Variants in DGKZ observed in about 807,000 individuals in gnomAD.
The protein encoded by DGKZ is diacylglycerol kinase zeta.
In DGKZ, 45 loss-of-function variants were observed where a neutral mutation model predicts 142.5. The ratio of observed to expected loss-of-function variants is 0.32; its 90% confidence interval spans 0.25 to 0.40. The LOEUF (loss-of-function observed/expected upper bound fraction) is 0.40. DGKZ is among the 10% of genes least tolerant of loss of function. The probability of loss-of-function intolerance (pLI) is 1.00; values close to 1 mark genes in which losing one functional copy is unlikely to be tolerated. For missense variants in DGKZ, 755 were observed against 1,306.5 expected, an observed-to-expected ratio of 0.58 and a Z score of 6.51; for synonymous variants, 442 against 527.0, an observed-to-expected ratio of 0.84 and a Z score of 2.21.
intron 5 of DGKZ, 93 bp downstream of exon 5, chr11:46,369,643 C>A: frequency 6.6e-7 from 1 of 1,511,530 alleles, no homozygotes; most frequent in Non-Finnish European, 9.2e-7. Flanking sequence ...GGGGGCTCGG[C>A]TCCCTCTAGG....
At chr11:46,370,075 G>A (rs929366107) in intron 6 of DGKZ, 66 bp downstream of exon 6, 62 of 1,593,828 alleles carry the variant, frequency 3.9e-5, no homozygotes, top group Middle Eastern at 1.7e-4. Flanking sequence ...CCATGTGGCC[G>A]GTGTGGCCTG....
rs147807739 is a variant in DGKZ at position 46,354,554 on chromosome 11, C to T, written c.161+6734C>T. 3.4e-3 allele frequency among the ~76,000 whole-genome samples: 525 copies of T among 152,232 alleles called. 3 individuals carry two copies. Among genetic ancestry groups the T allele is most frequent in the African/African-American group, 0.012 (512 of 41,506 alleles). ...TTTCTAAACACATTAAATATCTTGG[C>T]GTTAGAAAAGTGTGCAGAATAAGGT... On this transcript the variant is annotated intron_variant, in intron 1 of 30. Transcript: ENST00000527911.
At chr11:46,373,497 TGTTTTTG>T (rs1944216237) in intron 14 of DGKZ, among the ~76,000 whole-genome samples, 1 of 147,722 alleles carries the variant, frequency 6.8e-6, no homozygotes, top group Non-Finnish European at 1.5e-5. Flanking sequence ...TTTTTTTTTT[TGTTTTTG>T]TTTTTTGTTT....
At chr11:46,355,265 C>T (rs371246740) in intron 1 of DGKZ, among the ~76,000 whole-genome samples, 9 of 152,054 alleles carry the variant, frequency 5.9e-5, no homozygotes, top group African/African-American at 1.4e-4. Flanking sequence ...CCCGCCACCA[C>T]GCCCGGCTAA....
chr11:46,343,513 A>C (rs1312924082), upstream of DGKZ, among the ~76,000 whole-genome samples: 1 of 152,232 alleles, frequency 6.6e-6, no homozygotes, highest in Non-Finnish European at 1.5e-5. Context: ...AGAACTAGTT[A>C]TAGAGCAGGG....
At position 46,367,541 on chromosome 11, in the gene DGKZ, C is replaced by T. The variant is rs76288240; in HGVS notation, c.271-111C>T. The T allele has an allele frequency of 2.3e-3, 2,145 of 932,378 alleles. 24 individuals are homozygous for T. The African/African-American group carries it at 0.046, about 20-fold the overall frequency. 57.8% of individuals were successfully genotyped at this position (932,378 alleles called of 1,614,324 possible). On this transcript the variant is annotated intron_variant, in intron 2 of 30. Transcript: ENST00000527911. The surrounding 1 kb of genome is among the most constrained non-coding windows in gnomAD (Gnocchi z 4.1). ...TGGGGCAGACGGAACAGAGCAGGGT[C>T]GATCGGGGCGCTGGAGTGGGTTTGT...
chr11:46,343,436 TACTGA>T (rs947694305), upstream of DGKZ, among the ~76,000 whole-genome samples: 19 of 152,230 alleles, frequency 1.2e-4, no homozygotes, highest in African/African-American at 4.1e-4. Context: ...CATAAATGTT[TACTGA>T]ACTGAACTGA....
upstream of DGKZ, chr11:46,347,439 C>G (rs1407077570): frequency 9.2e-6 from 9 of 982,276 alleles, no homozygotes; most frequent in Non-Finnish European, 1.1e-5. This position sits in a 1 kb window ranked among gnomAD's most constrained non-coding sequence, Gnocchi z 6.4. Context: ...GCCAGCTATG[C>G]GGGGTCCTGC....
chr11:46,347,837 C>T lies in DGKZ; in HGVS notation c.161+17C>T, dbSNP rs1590397657. The T allele has an allele frequency of 1.6e-6, 2 of 1,279,256 alleles. No homozygotes were observed. Among genetic ancestry groups the T allele is most frequent in the Non-Finnish European group, 2.0e-6 (2 of 1,010,878 alleles). The allele number at this position is 1,279,256 out of a possible 1,614,324, so 79.2% of individuals were successfully genotyped here. The stretch of plus-strand genomic sequence containing the variant: ...CGGGCACAGGTGAGCGGGGCGGCGG[C>T]GGGGCAGGCACCGAGGCACCGGCAG... On this transcript the variant is annotated intron_variant, in intron 1 of 30. Coordinates refer to ENST00000527911, the Ensembl canonical transcript of DGKZ. This position sits in a 1 kb window ranked among gnomAD's most constrained non-coding sequence, Gnocchi z 6.4.
At chr11:46,358,912 G>A (rs1014875676) in intron 1 of DGKZ, among the ~76,000 whole-genome samples, 4 of 152,110 alleles carry the variant, frequency 2.6e-5, no homozygotes, top group Non-Finnish European at 5.9e-5. Flanking sequence ...GGAGGCTGAG[G>A]CGGGCAGATC....
At chr11:46,356,023 G>A (rs1003632691) in intron 1 of DGKZ, among the ~76,000 whole-genome samples, 34 of 152,208 alleles carry the variant, frequency 2.2e-4, no homozygotes, top group African/African-American at 8.2e-4. Context: ...TGGGATTACA[G>A]GCATGAGCCA....
intron 1 of DGKZ, chr11:46,362,110 A>C (rs1178232428): frequency 2.0e-5 from 3 of 152,252 alleles, no homozygotes; most frequent in African/African-American, 2.4e-5. Context: ...CCTCCAACCC[A>C]GGTCTGTGGG....
Position 46,376,149 on chromosome 11 carries a change from AG to A in DGKZ, c.2091+8del, listed in dbSNP as rs1356359329. ...CCACATTGAGAGACTCCAGCAGGTAAGGGGTGGGGGCTTCCCCAGGTGCCCA... is the reference window on the plus strand; with the variant it reads ...CCACATTGAGAGACTCCAGCAGGTAAGGGTGGGGGCTTCCCCAGGTGCCCA... On this transcript the variant is annotated splice_donor_5th_base_variant and intron_variant, in intron 22 of 30. Transcript: ENST00000527911. 3.1e-6 allele frequency: 5 copies of A among 1,610,788 alleles called. No homozygotes were observed. The African/African-American group carries it at 4.0e-5, about 13-fold the overall frequency.
chr11:46,345,421 G>A (rs1247811881), upstream of DGKZ: 23 of 1,441,302 alleles, frequency 1.6e-5, no homozygotes, highest in South Asian at 1.1e-4. The surrounding 1 kb of genome is among the most constrained non-coding windows in gnomAD (Gnocchi z 4.1). Flanking sequence ...TGAGCGCACC[G>A]GGGGCTGGCC....
In DGKZ at chr11:46,367,648, C is replaced by G. The variant is rs1432421076; in HGVS notation, c.271-4C>G. The G allele has an allele frequency of 1.3e-5, 21 of 1,595,524 alleles. No individual in the cohort carries two copies. The highest frequency in any genetic ancestry group is 1.8e-5 in the Non-Finnish European group (21 of 1,168,548). On this transcript the variant is annotated splice_region_variant and splice_polypyrimidine_tract_variant and intron_variant, in intron 2 of 30. Transcript: ENST00000527911. This position sits in a 1 kb window ranked among gnomAD's most constrained non-coding sequence, Gnocchi z 4.1. The stretch of plus-strand genomic sequence containing the variant: ...TGTGCTGAGCAAGCCCATCCCGTGG[C>G]TAGGAGTCAGCGACATATGGGGAGC...
intron 1 of DGKZ, chr11:46,366,635 G>T: frequency 6.2e-7 from 1 of 1,604,912 alleles, no homozygotes. Flanking sequence ...GGAGGATGTG[G>T]TAGCCGAGGC....
At chr11:46,368,047 G>A in exon 4 of DGKZ, 2 of 1,614,080 alleles carry the variant, frequency 1.2e-6, no homozygotes, top group Non-Finnish European at 1.7e-6. Context: ...CAAGATTGTG[G>A]TGCACACGCC....
intron 14 of DGKZ, among the ~76,000 whole-genome samples, chr11:46,373,498 GTTTTTGT>G (rs1193123647): frequency 5.0e-5 from 4 of 79,898 alleles, no homozygotes; most frequent in East Asian, 2.7e-4. Flanking sequence ...TTTTTTTTTT[GTTTTTGT>G]TTTTTGTTTT....
At chr11:46,359,064 G>T (rs1424030935) in intron 1 of DGKZ, among the ~76,000 whole-genome samples, 3 of 152,020 alleles carry the variant, frequency 2.0e-5, no homozygotes, top group South Asian at 4.1e-4. Flanking sequence ...AATCACTTGA[G>T]CCTGGGAGGA....
Sources: allele counts gnomAD v4.1 joint callset (sites outside exome capture counted in the v4.1 genomes callset), GRCh38; gene constraint gnomAD v4.1.1; non-coding constraint Gnocchi (gnomAD v3.1); transcripts MANE v1.5; gene names NCBI Gene and HGNC (gene_info 2026-07-23, HGNC 2026-07-21).